ETFA: variants seen among roughly 807,000 people sequenced by gnomAD.
ETFA encodes electron transfer flavoprotein subunit alpha.
Under a neutral mutation model 46.2 loss-of-function variants are expected in ETFA, and 22 were observed. The ratio of observed to expected loss-of-function variants is 0.48; its 90% confidence interval spans 0.34 to 0.68. The LOEUF (loss-of-function observed/expected upper bound fraction) is 0.68. ETFA is among the 30% of genes least tolerant of loss of function. The pLI is 0.01. For synonymous variants in ETFA, 131 were observed against 139.9 expected, an observed-to-expected ratio of 0.94 and a Z score of 0.45; for missense variants, 345 against 401.1, an observed-to-expected ratio of 0.86 and a Z score of 1.19.
intron 1 of ETFA, 83 bp downstream of exon 1, chr15:76,311,267 G>C (rs1465121667): frequency 7.5e-6 from 11 of 1,459,224 alleles, no homozygotes; most frequent in Admixed American, 4.1e-5. Flanking sequence ...ATCTGAGGGG[G>C]CCAGTGATCT....
intron 9 of ETFA, among the ~76,000 whole-genome samples, chr15:76,267,155 A>G (rs1305667064): frequency 6.6e-6 from 1 of 152,214 alleles, no homozygotes; most frequent in Non-Finnish European, 1.5e-5. Context: ...TTAATCTGAT[A>G]CAGCCATTAC....
At chr15:76,239,869 A>G (rs765656117) in intron 9 of ETFA, among the ~76,000 whole-genome samples, 7 of 151,984 alleles carry the variant, frequency 4.6e-5, no homozygotes, top group Non-Finnish European at 7.4e-5. Flanking sequence ...TTTGTACATT[A>G]GCTCTGTGTC....
chr15:76,288,716 G>GAA lies in ETFA; in HGVS notation c.352-773_352-772dup, dbSNP rs201904436. ...GACAGAGCGAGACTCTGCCTCAAAA[G>GAA]AAAAAAAAAAAAAAGGAAAAGAATA... On this transcript the variant is annotated intron_variant, in intron 4 of 11. Transcript: ENST00000557943. Among the ~76,000 whole-genome samples, 534 of 116,780 alleles carry GAA rather than the reference G, an allele frequency of 4.6e-3. 9 individuals are homozygous for GAA. The highest frequency in any genetic ancestry group is 0.015 in the African/African-American group (473 of 31,788). The allele number at this position is 116,780 out of a possible 152,430, so 76.6% of individuals were successfully genotyped here.
At chr15:76,216,740 C>A (rs1287088399) in intron 11 of ETFA, 143 bp from the exon 12 acceptor site, 7 of 658,738 alleles carry the variant, frequency 1.1e-5, no homozygotes, top group Non-Finnish European at 1.9e-5. Context: ...CCACCAGGAA[C>A]CCCCTGTTCT....
At chr15:76,233,377 TG>T (rs956886173) in intron 9 of ETFA, among the ~76,000 whole-genome samples, 4 of 131,604 alleles carry the variant, frequency 3.0e-5, no homozygotes, top group African/African-American at 1.1e-4. Flanking sequence ...TCACCCAGGC[TG>T]GAGTGCAATG....
At chr15:76,273,698 G>A (rs781772101) in intron 9 of ETFA, among the ~76,000 whole-genome samples, 39 of 151,304 alleles carry the variant, frequency 2.6e-4, no homozygotes, top group Admixed American at 1.5e-3. Context: ...TTTTTTAATG[G>A]ACAAGACTGC....
chr15:76,215,940 A>C lies in ETFA; in HGVS notation c.*619T>G, dbSNP rs1475945432. The C allele has an allele frequency of 6.6e-6, 1 of 152,258 alleles. No individual in the cohort carries two copies. Among genetic ancestry groups the C allele is most frequent in the Non-Finnish European group, 1.5e-5 (1 of 68,072 alleles). The allele number at this position is 152,258 out of a possible 1,614,324, so 9.4% of individuals were successfully genotyped here. On this transcript the variant is annotated 3_prime_UTR_variant, in exon 12 of 12. Transcript: ENST00000557943. The stretch of plus-strand genomic sequence containing the variant: ...ACAAAACCTTAAAATTAAACGGAAA[A>C]TGAAATTTACCTTAAGCCAACTAAA...
At chr15:76,216,954 T>C (rs2038903150) in intron 11 of ETFA, among the ~76,000 whole-genome samples, 1 of 143,096 alleles carries the variant, frequency 7.0e-6, no homozygotes, top group African/African-American at 2.6e-5. Flanking sequence ...CAATCACTCC[T>C]CCCACCTCAG....
intron 1 of ETFA, among the ~76,000 whole-genome samples, chr15:76,300,874 TC>T (rs1278713285): frequency 6.6e-6 from 1 of 152,178 alleles, no homozygotes. Context: ...TGGACCTCTT[TC>T]CCTGTTACCC....
chr15:76,286,945 A>G (rs116391007), intron 5 of ETFA, among the ~76,000 whole-genome samples: 3,216 of 152,326 alleles, frequency 0.021, 108 homozygotes, highest in African/African-American at 0.074. Context: ...AGGATTTGAG[A>G]CACTCTGGAT....
chr15:76,250,165 A>G (rs1229476047), intron 9 of ETFA, among the ~76,000 whole-genome samples: 1 of 152,208 alleles, frequency 6.6e-6, no homozygotes, highest in Non-Finnish European at 1.5e-5. Context: ...TGAAATACAA[A>G]TGAAAAAAAT....
intron 9 of ETFA, among the ~76,000 whole-genome samples, chr15:76,249,760 T>C (rs2039280032): frequency 6.6e-6 from 1 of 152,130 alleles, no homozygotes; most frequent in Non-Finnish European, 1.5e-5. Context: ...TTTTAAAATA[T>C]ATAGTTCTGG....
chr15:76,247,140 GCTAT>G (rs1368806672), intron 9 of ETFA, among the ~76,000 whole-genome samples: 2 of 152,028 alleles, frequency 1.3e-5, no homozygotes, highest in African/African-American at 4.8e-5. Flanking sequence ...AAGAATTTTC[GCTAT>G]CTGAGTATTT....
intron 9 of ETFA, among the ~76,000 whole-genome samples, chr15:76,258,288 A>T (rs530322622): frequency 6.6e-6 from 1 of 152,252 alleles, no homozygotes; most frequent in South Asian, 2.1e-4. Context: ...CAAGCCTCAT[A>T]GCACCCCTTC....
chr15:76,250,442 T>G (rs2039286955), intron 9 of ETFA, among the ~76,000 whole-genome samples: 2 of 152,128 alleles, frequency 1.3e-5, no homozygotes, highest in African/African-American at 4.8e-5. Flanking sequence ...ATATTCATAT[T>G]GAAAAATCTC....
At chr15:76,228,184 T>C (rs2142110154) in intron 10 of ETFA, 1 of 357,634 alleles carries the variant, frequency 2.8e-6, no homozygotes, top group East Asian at 7.4e-5. Flanking sequence ...ATATAACAAT[T>C]GTTATTATCA....
At chr15:76,272,541 T>A (rs1353808683) in intron 9 of ETFA, among the ~76,000 whole-genome samples, 1 of 152,072 alleles carries the variant, frequency 6.6e-6, no homozygotes, top group Non-Finnish European at 1.5e-5. Context: ...TAGACATATT[T>A]TTGGTTAAGA....
intron 4 of ETFA, among the ~76,000 whole-genome samples, chr15:76,288,288 C>G (rs1166638415): frequency 6.6e-6 from 1 of 151,900 alleles, no homozygotes; most frequent in African/African-American, 2.4e-5. Flanking sequence ...AAAGATAGAA[C>G]AAATTTAGAA....
At chr15:76,227,772 A>G in intron 10 of ETFA, 1 of 455,472 alleles carries the variant, frequency 2.2e-6, no homozygotes, top group Non-Finnish European at 4.4e-6. Flanking sequence ...ATTTTGATGT[A>G]GCCTGACTTA....
Sources: gnomAD v4.1 joint callset for allele counts (sites outside exome capture counted in the v4.1 genomes callset) on GRCh38, gnomAD v4.1.1 for gene constraint, MANE v1.5 for transcripts, NCBI Gene and HGNC (gene_info 2026-07-23, HGNC 2026-07-21) for gene names.